Variants in IPCEF1 observed in about 807,000 individuals in gnomAD.
IPCEF1 encodes interactor protein for cytohesin exchange factors 1.
IPCEF1 carries 31 observed loss-of-function variants against 50.9 expected under a neutral mutation model. The observed-to-expected ratio is 0.61, with a 90% CI of 0.46 to 0.82. The LOEUF (loss-of-function observed/expected upper bound fraction) is 0.82, where lower values mean the gene tolerates loss of function less well. IPCEF1 is among the 40% of genes least tolerant of loss of function. The pLI is 0.00. For synonymous variants in IPCEF1, 181 were observed against 192.0 expected, an observed-to-expected ratio of 0.94 and a Z score of 0.47; for missense variants, 458 against 514.0, an observed-to-expected ratio of 0.89 and a Z score of 1.05.
intron 1 of IPCEF1, among the ~76,000 whole-genome samples, chr6:154,297,613 A>C (rs1317822686): frequency 6.6e-6 from 1 of 152,252 alleles, no homozygotes; most frequent in Non-Finnish European, 1.5e-5. Context: ...AAAATGCAAA[A>C]GAAAAAGTTA....
chr6:154,334,350 C>T (rs935510527), intron 1 of IPCEF1, among the ~76,000 whole-genome samples: 6 of 152,198 alleles, frequency 3.9e-5, no homozygotes, highest in African/African-American at 9.6e-5. Flanking sequence ...AACTCTTTGG[C>T]TCTCAGTTCC....
rs1782931394 is a variant in IPCEF1, at chr6:154,306,325, G to A, written c.-61-16569C>T. Reference sequence around the variant, plus strand: ...AGAGACAGAATGACCTCGAGTTAGAGTCTAACAGTGCAGCACAATCCTTTC... The same window carrying A: ...AGAGACAGAATGACCTCGAGTTAGAATCTAACAGTGCAGCACAATCCTTTC... On this transcript the variant is annotated intron_variant, in intron 1 of 11. Coordinates refer to ENST00000367220, the MANE Select transcript of IPCEF1 (RefSeq NM_001130700.2). 2.0e-5 allele frequency among the ~76,000 whole-genome samples: 3 copies of A among 152,108 alleles called. No individual in the cohort carries two copies. The South Asian group carries it at 6.2e-4, about 32-fold the overall frequency.
In IPCEF1 at chr6:154,155,716, G is replaced by A. The variant is rs1798685600; in HGVS notation, c.*4112C>T. 6.6e-6 allele frequency: 1 copy of A among 152,208 alleles called. No homozygotes were observed. Among genetic ancestry groups the A allele is most frequent in the Admixed American group, 6.5e-5 (1 of 15,280 alleles). 9.4% of individuals were successfully genotyped at this position (152,208 alleles called of 1,614,324 possible). A position where few individuals can be genotyped will look rare whatever the true frequency, so the allele number is the denominator to read the frequency against. The stretch of plus-strand genomic sequence containing the variant: ...GAATCACTTCAACCAGGGAGGCAGA[G>A]GTTGCAGTGAGCTAAAATCGTGCCA... On this transcript the variant is annotated 3_prime_UTR_variant, in exon 12 of 12. Transcript: ENST00000367220.
chr6:154,328,183 A>G (rs1165583286), intron 1 of IPCEF1, among the ~76,000 whole-genome samples: 1 of 152,158 alleles, frequency 6.6e-6, no homozygotes, highest in African/African-American at 2.4e-5. Context: ...TACCTATGTA[A>G]CAAACCTGCA....
At chr6:154,314,884 CTTT>C (rs11367569) in intron 1 of IPCEF1, among the ~76,000 whole-genome samples, 7 of 138,016 alleles carry the variant, frequency 5.1e-5, no homozygotes, top group Non-Finnish European at 6.3e-5. Context: ...AGTGTGATTA[CTTT>C]TTTTTTTTTT....
chr6:154,289,455 C>CA (rs34430477), intron 2 of IPCEF1, among the ~76,000 whole-genome samples: 26,739 of 146,612 alleles, frequency 0.18, 2,694 homozygotes, highest in East Asian at 0.42. Context: ...CTTAGAGAAG[C>CA]AAAAAAAAAA....
chr6:154,189,912 C>G (rs367676640), intron 10 of IPCEF1, among the ~76,000 whole-genome samples: 3 of 151,610 alleles, frequency 2.0e-5, no homozygotes, highest in Non-Finnish European at 4.4e-5. Context: ...CCACTACACT[C>G]CAGCCTGGGC....
At chr6:154,336,338 T>C (rs1298407850) in intron 1 of IPCEF1, among the ~76,000 whole-genome samples, 1 of 152,140 alleles carries the variant, frequency 6.6e-6, no homozygotes. Flanking sequence ...CATTTGGCCA[T>C]AAAAAAGAAT....
At chr6:154,236,509 C>T (rs1780146514) in intron 5 of IPCEF1, among the ~76,000 whole-genome samples, 1 of 152,156 alleles carries the variant, frequency 6.6e-6, no homozygotes, top group Admixed American at 6.5e-5. Context: ...TTAAGCAATG[C>T]CACTCAACTG....
chr6:154,283,398 C>T (rs1408108879), intron 2 of IPCEF1, among the ~76,000 whole-genome samples: 1 of 151,358 alleles, frequency 6.6e-6, no homozygotes, highest in South Asian at 2.1e-4. Context: ...AGATCATGAC[C>T]ATCCTGGCTA....
chr6:154,310,471 T>C (rs574761033), intron 1 of IPCEF1, among the ~76,000 whole-genome samples: 1 of 152,102 alleles, frequency 6.6e-6, no homozygotes, highest in African/African-American at 2.4e-5. Context: ...TTTTGGAAAA[T>C]AGTATGGAGG....
intron 1 of IPCEF1, among the ~76,000 whole-genome samples, chr6:154,317,285 C>T (rs1225769989): frequency 2.0e-5 from 3 of 152,008 alleles, no homozygotes; most frequent in African/African-American, 4.8e-5. Flanking sequence ...CACAATGGCT[C>T]ACGCTTGTAA....
intron 1 of IPCEF1, among the ~76,000 whole-genome samples, chr6:154,333,308 G>A (rs145079126): frequency 2.0e-3 from 305 of 152,032 alleles, no homozygotes; most frequent in African/African-American, 5.9e-3. Context: ...TCTTAATCTC[G>A]GTGGGTACCA....
At chr6:154,284,004 T>C (rs1347823773) in intron 2 of IPCEF1, among the ~76,000 whole-genome samples, 3 of 152,164 alleles carry the variant, frequency 2.0e-5, no homozygotes, top group African/African-American at 4.8e-5. Flanking sequence ...GATGAGCATA[T>C]AATTAAAAAA....
At chr6:154,305,401 A>T (rs1266269447) in intron 1 of IPCEF1, among the ~76,000 whole-genome samples, 1 of 152,104 alleles carries the variant, frequency 6.6e-6, no homozygotes, top group Non-Finnish European at 1.5e-5. Context: ...TCCTATGCTC[A>T]TTCTTCTGCC....
intron 2 of IPCEF1, among the ~76,000 whole-genome samples, chr6:154,287,620 G>T (rs1372886677): frequency 1.3e-5 from 2 of 152,094 alleles, no homozygotes; most frequent in Non-Finnish European, 2.9e-5. Flanking sequence ...CCTCCCCTTT[G>T]TACCATTGTG....
intron 1 of IPCEF1, among the ~76,000 whole-genome samples, chr6:154,291,344 T>C (rs1381989070): frequency 2.0e-5 from 3 of 152,220 alleles, no homozygotes; most frequent in Non-Finnish European, 4.4e-5. Context: ...GCAAAGGACA[T>C]ATTTCAAGAT....
chr6:154,227,083 A>G (rs1170956031), intron 5 of IPCEF1, among the ~76,000 whole-genome samples: 1 of 152,158 alleles, frequency 6.6e-6, no homozygotes, highest in Admixed American at 6.6e-5. Flanking sequence ...CTGTAATCCC[A>G]GCTACTTGGG....
intron 1 of IPCEF1, among the ~76,000 whole-genome samples, chr6:154,321,387 G>A (rs941041176): frequency 3.3e-5 from 5 of 151,814 alleles, no homozygotes; most frequent in African/African-American, 9.7e-5. Flanking sequence ...TTTTACTCAT[G>A]AACTTATATA....
Sources: gnomAD v4.1 joint callset for allele counts (sites outside exome capture counted in the v4.1 genomes callset) on GRCh38, gnomAD v4.1.1 for gene constraint, MANE v1.5 for transcripts, NCBI Gene and HGNC (gene_info 2026-07-23, HGNC 2026-07-21) for gene names.